The following PRKD1 variants were observed in gnomAD, a reference collection of about 807,000 sequenced individuals.
PRKD1 encodes the protein serine/threonine-protein kinase D1.
A neutral mutation model predicts 95.9 loss-of-function variants in PRKD1; 63 were observed. That is an observed-to-expected ratio of 0.66 (90% CI 0.54 to 0.81). PRKD1 has a LOEUF of 0.81. Ranked by LOEUF, PRKD1 falls within the 30% of genes least tolerant of loss-of-function variation. The probability of loss-of-function intolerance (pLI) is 0.00; values close to 1 mark genes in which losing one functional copy is unlikely to be tolerated. For synonymous variants in PRKD1, 425 were observed against 423.1 expected, an observed-to-expected ratio of 1.00 and a Z score of -0.05; for missense variants, 1,048 against 1,165.3, an observed-to-expected ratio of 0.90 and a Z score of 1.47.
intron 1 of PRKD1, among the ~76,000 whole-genome samples, chr14:29,776,494 G>A (rs191296746): frequency 4.1e-4 from 62 of 152,264 alleles, no homozygotes; most frequent in East Asian, 1.5e-3. Context: ...ACTACGGGAC[G>A]CATGCACAAG....
chr14:29,872,937 A>G (rs1412642283), intron 1 of PRKD1, among the ~76,000 whole-genome samples: 2 of 152,174 alleles, frequency 1.3e-5, no homozygotes, highest in African/African-American at 4.8e-5. Context: ...AAACATCAGC[A>G]CAAACAACTT....
intron 17 of PRKD1, 27 bp from the exon 18 acceptor site, chr14:29,577,483 C>T (rs999530214): frequency 9.5e-6 from 15 of 1,582,964 alleles, no homozygotes; most frequent in Admixed American, 1.7e-5. Context: ...AAAATATTAC[C>T]ATAGAGATCA....
intron 1 of PRKD1, among the ~76,000 whole-genome samples, chr14:29,862,943 G>A (rs574729095): frequency 9.9e-5 from 15 of 152,240 alleles, no homozygotes; most frequent in Admixed American, 3.9e-4. Flanking sequence ...TGCCCAGACC[G>A]ATGTCCTGGA....
At chr14:29,645,543 G>C (rs1329781267) in intron 4 of PRKD1, among the ~76,000 whole-genome samples, 2 of 152,110 alleles carry the variant, frequency 1.3e-5, no homozygotes, top group African/African-American at 4.8e-5. Flanking sequence ...ACAGTGCAGA[G>C]TAACAGCTTA....
intron 1 of PRKD1, among the ~76,000 whole-genome samples, chr14:29,783,658 C>G (rs1430805454): frequency 6.6e-6 from 1 of 151,950 alleles, no homozygotes; most frequent in Admixed American, 6.6e-5. Flanking sequence ...CTTGCCAGCA[C>G]GCTATTTTTT....
chr14:29,621,519 A>C (rs2139081707), intron 13 of PRKD1, among the ~76,000 whole-genome samples: 1 of 151,998 alleles, frequency 6.6e-6, no homozygotes, highest in Non-Finnish European at 1.5e-5. Flanking sequence ...CATATTTTAA[A>C]ATAATTGGCA....
chr14:29,598,841 G>C (rs1893407471), intron 15 of PRKD1, among the ~76,000 whole-genome samples, 186 bp downstream of exon 15: 1 of 152,138 alleles, frequency 6.6e-6, no homozygotes, highest in African/African-American at 2.4e-5. Context: ...GTATAATTAA[G>C]GCATGCTTCA....
At chr14:29,681,474 T>G (rs1029909184) in intron 2 of PRKD1, among the ~76,000 whole-genome samples, 9 of 152,186 alleles carry the variant, frequency 5.9e-5, no homozygotes, top group Non-Finnish European at 1.3e-4. Flanking sequence ...TTTCCATAAC[T>G]GAGATGAATA....
chr14:29,846,998 C>T (rs929891629), intron 1 of PRKD1, among the ~76,000 whole-genome samples: 5 of 152,128 alleles, frequency 3.3e-5, no homozygotes, highest in African/African-American at 9.7e-5. Context: ...ACTGCAGGGT[C>T]GATAGCCAAA....
At chr14:29,915,292 G>C (rs1365939827) in intron 1 of PRKD1, among the ~76,000 whole-genome samples, 1 of 152,114 alleles carries the variant, frequency 6.6e-6, no homozygotes, top group Non-Finnish European at 1.5e-5. Flanking sequence ...AAAATGTCCA[G>C]GTGGGTAAGG....
intron 1 of PRKD1, among the ~76,000 whole-genome samples, chr14:29,924,664 T>C (rs532804781): frequency 3.3e-5 from 5 of 152,276 alleles, no homozygotes; most frequent in South Asian, 2.1e-4. Flanking sequence ...CATAGTAAAT[T>C]GTAAATGATT....
At chr14:29,833,914 A>G (rs1374712783) in intron 1 of PRKD1, among the ~76,000 whole-genome samples, 1 of 152,096 alleles carries the variant, frequency 6.6e-6, no homozygotes, top group Non-Finnish European at 1.5e-5. Flanking sequence ...AAAAAAAGAA[A>G]AGCTCTCAAG....
At chr14:29,586,294 G>C (rs1450554114) in intron 16 of PRKD1, among the ~76,000 whole-genome samples, 1 of 152,188 alleles carries the variant, frequency 6.6e-6, no homozygotes, top group Non-Finnish European at 1.5e-5. Context: ...TTTCTGCTCA[G>C]AAGTTGCCAA....
chr14:29,823,721 T>C (rs1051625611), intron 1 of PRKD1, among the ~76,000 whole-genome samples: 5 of 152,192 alleles, frequency 3.3e-5, no homozygotes, highest in African/African-American at 9.6e-5. Context: ...ATGAGACCAT[T>C]ATAAGTTGTT....
At chr14:29,672,158 C>T (rs1882885866) in intron 2 of PRKD1, among the ~76,000 whole-genome samples, 1 of 151,550 alleles carries the variant, frequency 6.6e-6, no homozygotes, top group Non-Finnish European at 1.5e-5. Flanking sequence ...CTGGCTAACA[C>T]AGTGAAACCC....
intron 1 of PRKD1, among the ~76,000 whole-genome samples, chr14:29,831,312 A>T (rs1407921020): frequency 1.3e-5 from 2 of 152,226 alleles, no homozygotes. Context: ...GAAACATTTA[A>T]GATGAGATAA....
At chr14:29,679,989 G>A (rs1279398619) in intron 2 of PRKD1, among the ~76,000 whole-genome samples, 1 of 152,144 alleles carries the variant, frequency 6.6e-6, no homozygotes, top group African/African-American at 2.4e-5. Context: ...AGAGACAAAT[G>A]TGGGAAGTGA....
intron 1 of PRKD1, among the ~76,000 whole-genome samples, chr14:29,849,514 C>G (rs1289006351): frequency 6.6e-6 from 1 of 151,792 alleles, no homozygotes; most frequent in African/African-American, 2.4e-5. Flanking sequence ...GAAACTGAAA[C>G]TCTGAACAGA....
At chr14:29,780,153 A>G (rs1248820281) in intron 1 of PRKD1, among the ~76,000 whole-genome samples, 2 of 152,232 alleles carry the variant, frequency 1.3e-5, no homozygotes, top group Non-Finnish European at 2.9e-5. Context: ...TGGATTAAAG[A>G]CTTAAATATT....
Sources: gnomAD v4.1 joint callset for allele counts (sites outside exome capture counted in the v4.1 genomes callset) on GRCh38, gnomAD v4.1.1 for gene constraint, MANE v1.5 for transcripts, NCBI Gene and HGNC (gene_info 2026-07-23, HGNC 2026-07-21) for gene names.